LCORL: variants seen among roughly 807,000 people sequenced by gnomAD.
The protein encoded by LCORL is ligand-dependent nuclear receptor corepressor-like protein.
Under a neutral mutation model 141.8 loss-of-function variants are expected in LCORL, and 41 were observed. The ratio of observed to expected loss-of-function variants is 0.29; its 90% CI spans 0.23 to 0.38. The LOEUF (loss-of-function observed/expected upper bound fraction) is 0.38. Ranked by LOEUF, LCORL falls within the 10% of genes least tolerant of loss-of-function variation. LCORL has a pLI of 1.00. For synonymous variants in LCORL, 618 were observed against 694.1 expected, an observed-to-expected ratio of 0.89 and a Z score of 1.72; for missense variants, 1,759 against 2,035.0, an observed-to-expected ratio of 0.86 and a Z score of 2.61.
At chr4:17,866,658 T>C (rs1725697883) in intron 7 of LCORL, among the ~76,000 whole-genome samples, 1 of 151,114 alleles carries the variant, frequency 6.6e-6, no homozygotes, top group Non-Finnish European at 1.5e-5. Context: ...AAAAAAAAAG[T>C]GGCAAGATGA....
At chr4:17,980,852 T>C (rs1043728359) in intron 1 of LCORL, among the ~76,000 whole-genome samples, 1 of 152,094 alleles carries the variant, frequency 6.6e-6, no homozygotes, top group African/African-American at 2.4e-5. Context: ...TCAACTGTAC[T>C]TGTGAGGTAT....
At chr4:17,978,171 T>C (rs1207652219) in intron 1 of LCORL, among the ~76,000 whole-genome samples, 2 of 152,230 alleles carry the variant, frequency 1.3e-5, no homozygotes, top group African/African-American at 2.4e-5. Flanking sequence ...TTCTGCTTTT[T>C]TGCATATCTA....
chr4:17,850,571 G>C (rs1723535297), intron 7 of LCORL, among the ~76,000 whole-genome samples: 1 of 152,234 alleles, frequency 6.6e-6, no homozygotes, highest in Non-Finnish European at 1.5e-5. Flanking sequence ...ATCAAAACCA[G>C]AATAAGATAC....
intron 1 of LCORL, among the ~76,000 whole-genome samples, chr4:17,993,870 G>C (rs1257706593): frequency 6.6e-6 from 1 of 152,176 alleles, no homozygotes; most frequent in African/African-American, 2.4e-5. Context: ...AGAGAAAGAA[G>C]ACAGCTTTGA....
chr4:17,853,610 T>C (rs1171295025), intron 7 of LCORL, among the ~76,000 whole-genome samples: 1 of 152,282 alleles, frequency 6.6e-6, no homozygotes, highest in Non-Finnish European at 1.5e-5. Context: ...GAATAGTTAA[T>C]GTACTTGACA....
exon 5 of LCORL, chr4:17,909,269 C>T (rs369749861): frequency 6.2e-6 from 10 of 1,611,446 alleles, no homozygotes; most frequent in Middle Eastern, 1.6e-4. Flanking sequence ...TGTACTCAAT[C>T]GCAAATTGAC....
At chr4:17,875,368 C>T in exon 7 of LCORL, 1 of 1,231,360 alleles carries the variant, frequency 8.1e-7, no homozygotes. Context: ...CCCAAGATCT[C>T]ACTTTCAGTA....
intron 1 of LCORL, among the ~76,000 whole-genome samples, chr4:18,002,529 A>G (rs1404110560): frequency 6.6e-6 from 1 of 152,204 alleles, no homozygotes; most frequent in Non-Finnish European, 1.5e-5. Flanking sequence ...CATGATGTTA[A>G]TACTTTTCAC....
At chr4:17,902,688 A>C (rs923113059) in intron 5 of LCORL, among the ~76,000 whole-genome samples, 1 of 152,092 alleles carries the variant, frequency 6.6e-6, no homozygotes. Flanking sequence ...AGCAGCAACA[A>C]AGGATACTTA....
intron 5 of LCORL, among the ~76,000 whole-genome samples, chr4:17,898,652 GTTTT>G (rs34770223): frequency 1.7e-4 from 20 of 119,256 alleles, no homozygotes; most frequent in African/African-American, 4.9e-4. Flanking sequence ...CATTCTCACC[GTTTT>G]TTTTTTTTTT....
chr4:17,972,556 G>T (rs999225623), intron 2 of LCORL, among the ~76,000 whole-genome samples: 1 of 151,528 alleles, frequency 6.6e-6, no homozygotes, highest in East Asian at 1.9e-4. Flanking sequence ...AAGTTAGGGC[G>T]TAGAATCAAT....
At chr4:17,960,000 T>C (rs1213253483) in intron 4 of LCORL, among the ~76,000 whole-genome samples, 1 of 152,182 alleles carries the variant, frequency 6.6e-6, no homozygotes, top group Admixed American at 6.6e-5. Flanking sequence ...TACTATCTTC[T>C]AGCCCCATCT....
chr4:17,898,652 G>GTTTTTTTTTTTTTTTTTTTTTT (rs34770223), intron 5 of LCORL, among the ~76,000 whole-genome samples: 1 of 119,272 alleles, frequency 8.4e-6, no homozygotes, highest in Non-Finnish European at 1.7e-5. Context: ...CATTCTCACC[G>GTTTTTTTTTTTTTTTTTTTTTT]TTTTTTTTTT....
At chr4:17,958,921 G>A (rs1040770661) in intron 4 of LCORL, among the ~76,000 whole-genome samples, 5 of 151,928 alleles carry the variant, frequency 3.3e-5, no homozygotes, top group African/African-American at 4.8e-5. Context: ...CCTCTAGAAG[G>A]AATTCAGTTT....
At chr4:17,860,091 T>A (rs1724827334) in intron 7 of LCORL, among the ~76,000 whole-genome samples, 1 of 152,190 alleles carries the variant, frequency 6.6e-6, no homozygotes, top group Non-Finnish European at 1.5e-5. Context: ...GATTCAATGC[T>A]ATTCCTATCA....
intron 1 of LCORL, among the ~76,000 whole-genome samples, chr4:18,018,272 T>C (rs1349269769): frequency 6.6e-6 from 1 of 152,160 alleles, no homozygotes; most frequent in East Asian, 1.9e-4. Context: ...CTCAATATCA[T>C]AGTTAGTACT....
intron 7 of LCORL, among the ~76,000 whole-genome samples, chr4:17,857,901 A>G (rs1162756946): frequency 6.6e-6 from 1 of 152,250 alleles, no homozygotes; most frequent in Non-Finnish European, 1.5e-5. Context: ...GAGCCCAAGA[A>G]CATTTAACAT....
chr4:17,949,219 G>A (rs948329594), intron 4 of LCORL, among the ~76,000 whole-genome samples: 5 of 151,982 alleles, frequency 3.3e-5, no homozygotes, highest in African/African-American at 1.2e-4. Context: ...TTTTGACTAC[G>A]TGTACAATTG....
intron 7 of LCORL, among the ~76,000 whole-genome samples, chr4:17,860,577 C>T (rs1050151511): frequency 2.6e-5 from 4 of 152,162 alleles, no homozygotes; most frequent in African/African-American, 9.7e-5. Flanking sequence ...CTCCTGGTCC[C>T]TCCCAAATCT....
Sources: allele counts gnomAD v4.1 joint callset (sites outside exome capture counted in the v4.1 genomes callset), GRCh38; gene constraint gnomAD v4.1.1; transcripts MANE v1.5; gene names NCBI Gene and HGNC (gene_info 2026-07-23, HGNC 2026-07-21).